RORA: variants seen among roughly 807,000 people sequenced by gnomAD.
RORA encodes the protein RAR related orphan receptor A, also known as nuclear receptor ROR-alpha.
In RORA, 7 loss-of-function variants were observed where a neutral mutation model predicts 69.5. That is an observed-to-expected ratio of 0.10 (90% CI 0.06 to 0.19). RORA has a LOEUF of 0.19. Ranked by LOEUF, RORA falls within the 10% of genes least tolerant of loss-of-function variation. The probability of loss-of-function intolerance (pLI) is 1.00; values close to 1 mark genes in which losing one functional copy is unlikely to be tolerated. For synonymous variants in RORA, 261 were observed against 240.8 expected (o/e 1.08, Z -0.78); for missense variants, 457 against 663.0 (o/e 0.69, Z 3.41).
chr15:60,701,934 T>C (rs1305646615), intron 1 of RORA, among the ~76,000 whole-genome samples: 1 of 152,218 alleles, frequency 6.6e-6, no homozygotes, highest in Non-Finnish European at 1.5e-5. Flanking sequence ...ATTTCTGTAA[T>C]TCCCTCTTAG....
intron 1 of RORA, among the ~76,000 whole-genome samples, chr15:60,912,668 G>A (rs1338030283): frequency 6.6e-6 from 1 of 152,076 alleles, no homozygotes; most frequent in Non-Finnish European, 1.5e-5. Context: ...GCAGGAGAAT[G>A]GCAGGAACCC....
At chr15:60,858,058 C>T (rs2073399073) in intron 1 of RORA, among the ~76,000 whole-genome samples, 1 of 152,218 alleles carries the variant, frequency 6.6e-6, no homozygotes, top group South Asian at 2.1e-4. Context: ...GCCTCAGTTT[C>T]CTTTCTGAAG....
chr15:60,998,380 G>A (rs1894631271), intron 1 of RORA, among the ~76,000 whole-genome samples: 1 of 147,444 alleles, frequency 6.8e-6, no homozygotes, highest in Non-Finnish European at 1.5e-5. Flanking sequence ...TGTTGCCCAG[G>A]CTTCACCATG....
chr15:60,935,840 C>G (rs909492089), intron 1 of RORA, among the ~76,000 whole-genome samples: 1 of 152,246 alleles, frequency 6.6e-6, no homozygotes, highest in African/African-American at 2.4e-5. Flanking sequence ...CCGCAGCAGA[C>G]AAGTCATTCC....
intron 1 of RORA, among the ~76,000 whole-genome samples, chr15:60,679,080 C>G (rs1226237764): frequency 2.0e-5 from 3 of 152,184 alleles, no homozygotes; most frequent in African/African-American, 4.8e-5. Flanking sequence ...AGATGAGCAA[C>G]ACGGCAATTA....
chr15:60,808,960 C>T (rs2072702047), intron 1 of RORA, among the ~76,000 whole-genome samples: 1 of 152,004 alleles, frequency 6.6e-6, no homozygotes, highest in Non-Finnish European at 1.5e-5. Flanking sequence ...TCATATGTGG[C>T]AGCTAAGCTA....
At chr15:60,661,664 T>C (rs1477965278) in intron 2 of RORA, among the ~76,000 whole-genome samples, 1 of 152,160 alleles carries the variant, frequency 6.6e-6, no homozygotes, top group African/African-American at 2.4e-5. Flanking sequence ...CCCCCTCTTT[T>C]CCAAGGCAGA....
Position 60,660,007 on chromosome 15 carries a change from T to TA in RORA, c.196+18649dup, listed in dbSNP as rs573135026. ...ACGACAGTATTATGCCTGACAATAT[T>TA]AAAAAATTATTTACTATCATCTAAA... On this transcript the variant is annotated intron_variant, in intron 2 of 10. Transcript: ENST00000335670. Among the ~76,000 whole-genome samples the TA allele has an allele frequency of 1.3e-4, 20 of 152,318 alleles. 1 individual carries two copies. The South Asian group carries it at 4.1e-3, about 32-fold the overall frequency.
chr15:60,896,274 A>T (rs117570998), intron 1 of RORA, among the ~76,000 whole-genome samples: 1 of 152,318 alleles, frequency 6.6e-6, no homozygotes, highest in East Asian at 1.9e-4. Flanking sequence ...TTTTTATCTT[A>T]TCAGTACTCA....
At chr15:60,809,084 T>A (rs1276026134) in intron 1 of RORA, among the ~76,000 whole-genome samples, 2 of 152,086 alleles carry the variant, frequency 1.3e-5, no homozygotes, top group Non-Finnish European at 2.9e-5. Flanking sequence ...ACTGCTCGGG[T>A]GATGGGTGCA....
At chr15:60,623,510 C>T (rs1261892768) in intron 2 of RORA, among the ~76,000 whole-genome samples, 1 of 152,188 alleles carries the variant, frequency 6.6e-6, no homozygotes, top group Non-Finnish European at 1.5e-5. Context: ...ATTGATTCCC[C>T]CATGAAAGCA....
chr15:60,692,038 G>A (rs2070834948), intron 1 of RORA, among the ~76,000 whole-genome samples: 1 of 152,154 alleles, frequency 6.6e-6, no homozygotes, highest in East Asian at 1.9e-4. Flanking sequence ...AACTATTTTG[G>A]AAACAGTGAT....
At chr15:61,095,131 TC>T (rs1255987277) in intron 1 of RORA, among the ~76,000 whole-genome samples, 14 of 152,302 alleles carry the variant, frequency 9.2e-5, no homozygotes, top group Admixed American at 2.0e-4. Context: ...AAAGCTGTAA[TC>T]AGGGAAGGCC....
chr15:61,192,796 C>T (rs1422586495), intron 1 of RORA, among the ~76,000 whole-genome samples: 2 of 152,308 alleles, frequency 1.3e-5, no homozygotes, highest in Non-Finnish European at 2.9e-5. Context: ...CTCTGGTTGT[C>T]AGAGAGTTCC....
intron 8 of RORA, among the ~76,000 whole-genome samples, chr15:60,502,458 A>C (rs565319285): frequency 5.9e-5 from 9 of 152,308 alleles, no homozygotes; most frequent in African/African-American, 2.2e-4. Context: ...TCCGAATAAT[A>C]TATCACCAGC....
chr15:60,703,581 G>A (rs1027388693), intron 1 of RORA, among the ~76,000 whole-genome samples: 1 of 152,186 alleles, frequency 6.6e-6, no homozygotes, highest in Non-Finnish European at 1.5e-5. Context: ...GATGGGGACA[G>A]TCACAAGCCG....
intron 1 of RORA, among the ~76,000 whole-genome samples, chr15:60,819,743 C>CCA (rs1191801506): frequency 9.4e-5 from 7 of 74,778 alleles, no homozygotes; most frequent in African/African-American, 5.0e-4. Context: ...GAAGTCAAAC[C>CCA]CAGACACACA....
At chr15:60,661,075 G>A (rs1249750807) in intron 2 of RORA, among the ~76,000 whole-genome samples, 17 of 118,032 alleles carry the variant, frequency 1.4e-4, no homozygotes, top group Non-Finnish European at 2.8e-4. Flanking sequence ...AAAAAATAGA[G>A]GAGTTATTTT....
At chr15:61,218,295 T>G (rs1223016563) in intron 1 of RORA, among the ~76,000 whole-genome samples, 1 of 151,766 alleles carries the variant, frequency 6.6e-6, no homozygotes, top group Non-Finnish European at 1.5e-5. Context: ...AGGCAAGCGG[T>G]TCCAGTGTTA....
Sources: allele counts gnomAD v4.1 joint callset (sites outside exome capture counted in the v4.1 genomes callset), GRCh38; gene constraint gnomAD v4.1.1; transcripts MANE v1.5; gene names NCBI Gene and HGNC (gene_info 2026-07-23, HGNC 2026-07-21).